IMPA2: variants seen among roughly 807,000 people sequenced by gnomAD.
IMPA2 encodes IMP 2.
In IMPA2, 32 loss-of-function variants were observed where a neutral mutation model predicts 35.1. That is an observed-to-expected ratio of 0.91 (90% CI 0.69 to 1.23). The LOEUF (loss-of-function observed/expected upper bound fraction) is 1.23, where lower values mean the gene tolerates loss of function less well. IMPA2 is among the 50% of genes most tolerant of loss of function. The probability of loss-of-function intolerance (pLI) is 0.00; values close to 1 mark genes in which losing one functional copy is unlikely to be tolerated. For missense variants in IMPA2, 334 were observed against 387.6 expected, an observed-to-expected ratio of 0.86 and a Z score of 1.16; for synonymous variants, 135 against 160.6, an observed-to-expected ratio of 0.84 and a Z score of 1.20.
rs71172044 is a variant in IMPA2, at chr18:12,007,628, CTTCTTTCTTTCTTTCTTTCTTTCT to C, written c.231-2227_231-2204del. ...TCTCTTTCTTTCTTTCTTTTTCTTT[CTTCTTTCTTTCTTTCTTTCTTTCT>C]TTCTTTCTTTCTTTCTTTCTTTCTT... On this transcript the variant is annotated intron_variant, in intron 2 of 7. Transcript: ENST00000269159. 3.0e-3 allele frequency among the ~76,000 whole-genome samples: 354 copies of C among 116,790 alleles called. 5 individuals carry two copies. In the East Asian group the frequency reaches 0.031, roughly 10 times the overall value. The allele number at this position is 116,790 out of a possible 152,430, so 76.6% of individuals were successfully genotyped here. A position where few individuals can be genotyped will look rare whatever the true frequency, so the allele number is the denominator to read the frequency against.
intron 5 of IMPA2, among the ~76,000 whole-genome samples, chr18:12,024,070 A>G (rs990827417): frequency 1.3e-5 from 2 of 152,224 alleles, no homozygotes; most frequent in African/African-American, 4.8e-5. Flanking sequence ...TTACAATAAA[A>G]ATGAAAATTG....
intron 5 of IMPA2, among the ~76,000 whole-genome samples, chr18:12,017,095 A>G (rs1381524913): frequency 2.0e-5 from 3 of 152,140 alleles, no homozygotes; most frequent in Admixed American, 2.0e-4. Context: ...AATATCTTCA[A>G]CTCACAAGTT....
chr18:11,981,609 C>G lies in IMPA2; in HGVS notation c.-61C>G. 9.1e-7 allele frequency: 1 copy of G among 1,097,704 alleles called. No homozygotes were observed. Among genetic ancestry groups the G allele is most frequent in the Non-Finnish European group, 1.2e-6 (1 of 867,504 alleles). The allele number at this position is 1,097,704 out of a possible 1,614,324, so 68.0% of individuals were successfully genotyped here. On this transcript the variant is annotated 5_prime_UTR_variant, in exon 1 of 8. In the 5' UTR this introduces an upstream ATG that the reference lacks. Coordinates refer to ENST00000269159, the MANE Select transcript of IMPA2 (RefSeq NM_014214.3). ...GAGCCTGGCGGCGGGACGGCGGGAT[C>G]CGGTGGGAGCCGGAGTCCCGCCGAG...
chr18:12,024,483 C>CA (rs11381754), intron 5 of IMPA2, among the ~76,000 whole-genome samples: 7,817 of 151,960 alleles, frequency 0.051, 662 homozygotes, highest in African/African-American at 0.18. Flanking sequence ...GACTCCATCT[C>CA]AAAAAAACAC....
At chr18:11,995,893 C>G (rs374700112) in intron 1 of IMPA2, among the ~76,000 whole-genome samples, 129 of 152,300 alleles carry the variant, frequency 8.5e-4, no homozygotes, top group Non-Finnish European at 1.7e-3. Flanking sequence ...CTCTGTGTAC[C>G]TGCTGTATGT....
rs682772 is a variant in IMPA2, at chr18:11,991,844, C to A, written c.97-7210C>A. Among the ~76,000 whole-genome samples the A allele has an allele frequency of 0.075, 10,377 of 138,932 alleles. 1,164 individuals are homozygous for A. Among genetic ancestry groups the A allele is most frequent in the African/African-American group, 0.27 (9,790 of 36,770 alleles). The allele number at this position is 138,932 out of a possible 152,430, so 91.1% of individuals were successfully genotyped here. On this transcript the variant is annotated intron_variant, in intron 1 of 7. Coordinates refer to ENST00000269159, the MANE Select transcript of IMPA2 (RefSeq NM_014214.3). This position sits in a 1 kb window ranked among gnomAD's most constrained non-coding sequence, Gnocchi z 4.1. ...GATGCCCTCGCAGAAACACCCAGAA[C>A]AATTTTTTTTTTTTTTTGAGATGGA... is the stretch of plus-strand genomic sequence containing the variant.
intron 1 of IMPA2, among the ~76,000 whole-genome samples, chr18:11,989,829 G>T (rs1333672091): frequency 2.0e-5 from 3 of 152,262 alleles, no homozygotes; most frequent in Admixed American, 2.0e-4. Context: ...CGCTGCCCAG[G>T]GGAGATTACT....
rs1395908121 is a variant in IMPA2 at position 12,030,483 on chromosome 18, C to A, written c.*25C>A. The A allele has an allele frequency of 1.3e-6, 2 of 1,593,306 alleles. No homozygotes were observed. The highest frequency in any genetic ancestry group is 1.7e-6 in the Non-Finnish European group (2 of 1,161,240). ...ACTGCGGCTGAGGCAAAGCTGCTCC[C>A]AAGGCCTCCCTGGGCTGCTGTGGGC... On this transcript the variant is annotated 3_prime_UTR_variant, in exon 8 of 8. Coordinates refer to ENST00000269159, the MANE Select transcript of IMPA2 (RefSeq NM_014214.3).
chr18:12,014,912 G>A (rs892243784), intron 5 of IMPA2, among the ~76,000 whole-genome samples: 1 of 152,198 alleles, frequency 6.6e-6, no homozygotes, highest in South Asian at 2.1e-4. Context: ...GGGTCATCCA[G>A]TGGCTCTGAG....
chr18:11,997,212 G>T (rs1028730399), intron 1 of IMPA2, among the ~76,000 whole-genome samples: 4 of 152,238 alleles, frequency 2.6e-5, no homozygotes, highest in Non-Finnish European at 1.5e-5. Context: ...AGCCACATGT[G>T]AGGAGTGTGA....
At chr18:12,006,938 C>T (rs530778518) in intron 2 of IMPA2, among the ~76,000 whole-genome samples, 11 of 152,144 alleles carry the variant, frequency 7.2e-5, no homozygotes, top group African/African-American at 2.2e-4. Flanking sequence ...AAGACCAGCC[C>T]GGCCAGCATG....
chr18:12,024,644 A>C (rs1318445533), intron 5 of IMPA2, among the ~76,000 whole-genome samples: 1 of 152,134 alleles, frequency 6.6e-6, no homozygotes, highest in African/African-American at 2.4e-5. Context: ...TTTCCTGGCC[A>C]AAGTATCATG....
At position 11,999,090 on chromosome 18, in the gene IMPA2, T is replaced by C; in HGVS notation, c.133T>C (p.Ser45Pro). 4 of 1,613,778 alleles carry C rather than the reference T, an allele frequency of 2.5e-6. No homozygotes were observed. Among genetic ancestry groups the C allele is most frequent in the Non-Finnish European group, 3.4e-6 (4 of 1,179,790 alleles). The part of the protein sequence containing the change: ...RKALTEEKRV[S>P]TKTSAADLVT... ...AGCCCTTACTGAGGAAAAACGTGTC[T>C]CAACAAAAACATCAGCTGCAGATCT... The change falls in exon 2 of 8, where the codon TCA becomes CCA. Residue 45 changes from serine (S) to proline (P), a missense_variant. Ser to Pro is a moderately conservative substitution (Grantham distance 74). Transcript: ENST00000269159.
chr18:12,004,375 A>C (rs1489353161), intron 2 of IMPA2, among the ~76,000 whole-genome samples: 1 of 152,240 alleles, frequency 6.6e-6, no homozygotes. Context: ...AAAGTGGTTA[A>C]GTTATGCAGT....
At chr18:12,021,550 A>G (rs1026395927) in intron 5 of IMPA2, among the ~76,000 whole-genome samples, 6 of 146,934 alleles carry the variant, frequency 4.1e-5, no homozygotes, top group Non-Finnish European at 7.4e-5. Context: ...TTTTTTTGAG[A>G]CTCCGTCACC....
rs1907044214 is a variant in IMPA2, at chr18:11,999,068, C to T, written c.111C>T (p.Ala37=). 6.2e-7 allele frequency: 1 copy of T among 1,613,096 alleles called. No homozygotes were observed. The highest frequency in any genetic ancestry group is 1.3e-5 in the African/African-American group (1 of 74,784). ...TTTTATTTCAGATCATCAGAAAAGC[C>T]CTTACTGAGGAAAAACGTGTCTCAA... ...ALRAGQIIRK[A]LTEEKRVSTK... is the part of the protein sequence containing the mutation. Residue 37 remains alanine (A), a synonymous_variant, in exon 2 of 8, where the codon GCC becomes GCT. Coordinates refer to ENST00000269159, the MANE Select transcript of IMPA2 (RefSeq NM_014214.3).
At chr18:12,006,845 C>G (rs1289032029) in intron 2 of IMPA2, among the ~76,000 whole-genome samples, 1 of 152,108 alleles carries the variant, frequency 6.6e-6, no homozygotes, top group Admixed American at 6.5e-5. Context: ...AGAAAAGTGA[C>G]ATCGGGCCAG....
intron 4 of IMPA2, 143 bp downstream of exon 4, chr18:12,012,358 C>T: frequency 1.4e-6 from 1 of 724,834 alleles, no homozygotes; most frequent in Non-Finnish European, 2.4e-6. Flanking sequence ...CTGTGGGTTT[C>T]AAATCCGAGA....
At chr18:12,008,387 C>T (rs1907337210) in intron 2 of IMPA2, 1 of 518,726 alleles carries the variant, frequency 1.9e-6, no homozygotes, top group African/African-American at 1.9e-5. Context: ...GGATAGAAAA[C>T]CTCTCGGCAA....
Sources: allele counts gnomAD v4.1 joint callset (sites outside exome capture counted in the v4.1 genomes callset), GRCh38; gene constraint gnomAD v4.1.1; non-coding constraint Gnocchi (gnomAD v3.1); transcripts MANE v1.5; gene names NCBI Gene and HGNC (gene_info 2026-07-23, HGNC 2026-07-21).